CAST: variants seen among roughly 807,000 people sequenced by gnomAD.
The protein encoded by CAST is calpastatin, also known as MIR583 host.
Under a neutral mutation model 119.6 loss-of-function variants are expected in CAST, and 76 were observed. The ratio of observed to expected loss-of-function variants is 0.64; its 90% CI spans 0.53 to 0.77. The LOEUF (loss-of-function observed/expected upper bound fraction) is 0.77. Ranked by LOEUF, CAST falls within the 30% of genes least tolerant of loss-of-function variation. The pLI is 0.00. For synonymous variants in CAST, 319 were observed against 331.6 expected (o/e 0.96, Z 0.41); for missense variants, 953 against 946.5 (o/e 1.01, Z -0.09).
chr5:96,402,970 G>A, the CAST span, among the ~76,000 whole-genome samples: 2 of 152,116 alleles, frequency 1.3e-5, no homozygotes, highest in African/African-American at 4.8e-5. Context: ...AGGAGTTTTA[G>A]GTAAAAGCCT....
At chr5:96,389,794 G>A in the CAST span, among the ~76,000 whole-genome samples, 1 of 152,150 alleles carries the variant, frequency 6.6e-6, no homozygotes, top group South Asian at 2.1e-4. Flanking sequence ...AATTAGCTGG[G>A]TGTGGCGGTG....
chr5:96,152,693 A>G, the CAST span, among the ~76,000 whole-genome samples: 11 of 152,232 alleles, frequency 7.2e-5, no homozygotes, highest in Non-Finnish European at 1.2e-4. Context: ...TTTTCATTAT[A>G]TCTATTTGCT....
intron 1 of CAST, among the ~76,000 whole-genome samples, chr5:96,596,402 C>T (rs1360864288): frequency 2.0e-5 from 3 of 152,196 alleles, no homozygotes; most frequent in Non-Finnish European, 2.9e-5. Flanking sequence ...CCCTCAGAAC[C>T]TCCAGAAGGA....
chr5:96,459,835 C>T, the CAST span, among the ~76,000 whole-genome samples: 1 of 152,146 alleles, frequency 6.6e-6, no homozygotes, highest in Non-Finnish European at 1.5e-5. Context: ...TGCAGATTGG[C>T]TCTGAAATCA....
chr5:96,770,196 G>A (rs955445519), intron 29 of CAST: 1 of 288,402 alleles, frequency 3.5e-6, no homozygotes, highest in African/African-American at 2.2e-5. Flanking sequence ...AGTGTACTAG[G>A]GTTCCCTTTT....
the CAST span, among the ~76,000 whole-genome samples, chr5:96,131,758 A>G: frequency 6.6e-6 from 1 of 152,186 alleles, no homozygotes; most frequent in Non-Finnish European, 1.5e-5. Context: ...AGTTGGGAAG[A>G]GTTCACACCA....
At chr5:96,045,136 T>G in the CAST span, among the ~76,000 whole-genome samples, 12 of 152,290 alleles carry the variant, frequency 7.9e-5, no homozygotes, top group Admixed American at 5.9e-4. Context: ...ATGGATCACC[T>G]GAGGTCAGGA....
chr5:96,656,357 T>C (rs1277922073), intron 1 of CAST, among the ~76,000 whole-genome samples: 1 of 152,224 alleles, frequency 6.6e-6, no homozygotes, highest in African/African-American at 2.4e-5. Flanking sequence ...TTTTGAAGGC[T>C]ATAGCGTACG....
At chr5:96,435,078 A>G in the CAST span, among the ~76,000 whole-genome samples, 1 of 152,152 alleles carries the variant, frequency 6.6e-6, no homozygotes, top group African/African-American at 2.4e-5. Flanking sequence ...CAAGCTCTCA[A>G]GGGTGTTTCA....
At chr5:96,703,932 A>AT (rs1754414845) in intron 3 of CAST, among the ~76,000 whole-genome samples, 1 of 152,156 alleles carries the variant, frequency 6.6e-6, no homozygotes, top group East Asian at 1.9e-4. Flanking sequence ...TTGTGCACTG[A>AT]TTTTTCAGTA....
chr5:96,438,634 A>G, the CAST span, among the ~76,000 whole-genome samples: 1 of 152,182 alleles, frequency 6.6e-6, no homozygotes, highest in Admixed American at 6.5e-5. Context: ...AAGTGATGTT[A>G]TGTCATTTTC....
At chr5:96,378,481 A>G in the CAST span, among the ~76,000 whole-genome samples, 2 of 152,158 alleles carry the variant, frequency 1.3e-5, no homozygotes, top group Non-Finnish European at 2.9e-5. Context: ...TGATTTGTCA[A>G]TTATACCTTG....
At chr5:96,656,484 G>A (rs1330293029) in intron 1 of CAST, among the ~76,000 whole-genome samples, 1 of 152,160 alleles carries the variant, frequency 6.6e-6, no homozygotes, top group Non-Finnish European at 1.5e-5. Flanking sequence ...CTGCTTCCCT[G>A]GCAGGCCTGT....
chr5:96,733,632 T>G (rs1157337743), intron 9 of CAST, among the ~76,000 whole-genome samples: 1 of 152,138 alleles, frequency 6.6e-6, no homozygotes, highest in African/African-American at 2.4e-5. Context: ...CATAGCATGT[T>G]TAAAGTACCA....
chr5:96,170,311 G>T, the CAST span, among the ~76,000 whole-genome samples: 1 of 152,186 alleles, frequency 6.6e-6, no homozygotes, highest in African/African-American at 2.4e-5. Context: ...GCATTCCTTG[G>T]CCCAGTGGCC....
chr5:96,085,613 C>G, the CAST span, among the ~76,000 whole-genome samples: 4 of 152,178 alleles, frequency 2.6e-5, no homozygotes, highest in Non-Finnish European at 5.9e-5. Context: ...AATAAACTGT[C>G]ACATTCCTAA....
At chr5:96,654,405 T>C (rs1748130759) in intron 1 of CAST, among the ~76,000 whole-genome samples, 1 of 152,174 alleles carries the variant, frequency 6.6e-6, no homozygotes, top group South Asian at 2.1e-4. Flanking sequence ...TATCTTTTTC[T>C]TAAGAAAACC....
At chr5:96,160,126 G>A in the CAST span, among the ~76,000 whole-genome samples, 1 of 151,706 alleles carries the variant, frequency 6.6e-6, no homozygotes, top group East Asian at 1.9e-4. Flanking sequence ...GGAGAACAGA[G>A]CAAGACTCGT....
At chr5:96,431,502 T>C in the CAST span, among the ~76,000 whole-genome samples, 1 of 152,196 alleles carries the variant, frequency 6.6e-6, no homozygotes, top group Non-Finnish European at 1.5e-5. Flanking sequence ...TAGTCTCCTC[T>C]AGATTCTTGA....
Sources: gnomAD v4.1 joint callset for allele counts (sites outside exome capture counted in the v4.1 genomes callset) on GRCh38, gnomAD v4.1.1 for gene constraint, MANE v1.5 for transcripts, NCBI Gene and HGNC (gene_info 2026-07-23, HGNC 2026-07-21) for gene names.